DGKH: variants seen among roughly 807,000 people sequenced by gnomAD.
The protein encoded by DGKH is diacylglycerol kinase eta.
A neutral mutation model predicts 159.3 loss-of-function variants in DGKH; 90 were observed. The observed-to-expected ratio is 0.57, with a 90% CI of 0.48 to 0.67. The LOEUF (loss-of-function observed/expected upper bound fraction) is 0.67. Among genes scored for constraint, DGKH ranks in the 30% least tolerant of loss-of-function variants. DGKH has a pLI of 0.00. For synonymous variants in DGKH, 536 were observed against 553.8 expected, an observed-to-expected ratio of 0.97 and a Z score of 0.45; for missense variants, 1,181 against 1,506.1, an observed-to-expected ratio of 0.78 and a Z score of 3.57.
chr13:42,255,309 T>A (rs765816643), intron 30 of DGKH, among the ~76,000 whole-genome samples: 204 of 152,198 alleles, frequency 1.3e-3, no homozygotes, highest in Non-Finnish European at 2.6e-3. Context: ...AGAATTTTTT[T>A]AAAAAACCAA....
chr13:42,255,048 A>G (rs1335152825), intron 30 of DGKH, among the ~76,000 whole-genome samples: 1 of 151,704 alleles, frequency 6.6e-6, no homozygotes. Context: ...AAAATCTATT[A>G]TTTTTGCGTG....
intron 3 of DGKH, among the ~76,000 whole-genome samples, chr13:42,130,105 A>T (rs9566927): frequency 0.036 from 5,435 of 152,310 alleles, 180 homozygotes; most frequent in South Asian, 0.096. Flanking sequence ...TTCTGATCAC[A>T]GATCACATTG....
At chr13:42,104,424 T>C (rs1459066958) in intron 1 of DGKH, among the ~76,000 whole-genome samples, 1 of 152,240 alleles carries the variant, frequency 6.6e-6, no homozygotes, top group African/African-American at 2.4e-5. Flanking sequence ...CGCATTTCAT[T>C]GGCAAGATCT....
intron 1 of DGKH, among the ~76,000 whole-genome samples, chr13:42,123,767 A>G (rs1449130838): frequency 1.3e-5 from 2 of 152,234 alleles, no homozygotes; most frequent in African/African-American, 4.8e-5. Context: ...AGGGAAACGC[A>G]CATTAAAACC....
chr13:42,062,563 T>TG (rs1488784819), intron 1 of DGKH, among the ~76,000 whole-genome samples: 3 of 152,168 alleles, frequency 2.0e-5, no homozygotes, highest in Non-Finnish European at 4.4e-5. Flanking sequence ...TAGCTTTCCT[T>TG]GGGGGAACCA....
chr13:42,174,183 T>C (rs1468530237), intron 12 of DGKH, 39 bp downstream of exon 12: 1 of 1,453,226 alleles, frequency 6.9e-7, no homozygotes, highest in African/African-American at 1.4e-5. Context: ...GAAATGGGGG[T>C]GGATATCTTG....
chr13:42,083,846 C>A (rs942825409), intron 1 of DGKH, among the ~76,000 whole-genome samples: 1 of 152,148 alleles, frequency 6.6e-6, no homozygotes, highest in African/African-American at 2.4e-5. Flanking sequence ...TGGAAACCAA[C>A]GATATTTTCT....
At chr13:42,207,037 C>CTT (rs1475113017) in intron 21 of DGKH, among the ~76,000 whole-genome samples, 28 of 110,288 alleles carry the variant, frequency 2.5e-4, no homozygotes, top group African/African-American at 8.0e-4. Context: ...TTCTTTCTTT[C>CTT]TTTCCTTCTT....
intron 12 of DGKH, among the ~76,000 whole-genome samples, chr13:42,176,688 A>C (rs777987747): frequency 1.3e-5 from 2 of 152,224 alleles, no homozygotes; most frequent in Non-Finnish European, 2.9e-5. Flanking sequence ...TTGAATCTTC[A>C]AATAAGTCTG....
At chr13:42,105,107 T>C (rs1006953888) in intron 1 of DGKH, among the ~76,000 whole-genome samples, 17 of 152,076 alleles carry the variant, frequency 1.1e-4, no homozygotes, top group African/African-American at 4.1e-4. Flanking sequence ...ATAGAATACC[T>C]GAGATTGGAT....
At chr13:42,043,210 T>C (rs1880618028) in intron 1 of DGKH, among the ~76,000 whole-genome samples, 1 of 152,228 alleles carries the variant, frequency 6.6e-6, no homozygotes, top group African/African-American at 2.4e-5. Flanking sequence ...TGTGTGTATA[T>C]ATATATGTAA....
chr13:42,179,951 T>C (rs1005551051), intron 13 of DGKH, among the ~76,000 whole-genome samples: 23 of 152,200 alleles, frequency 1.5e-4, no homozygotes, highest in African/African-American at 5.3e-4. Flanking sequence ...ATTAAAAATA[T>C]GTGAAATATA....
exon 31 of DGKH, chr13:42,256,578 T>A (rs919615012): frequency 7.6e-6 from 5 of 656,574 alleles, no homozygotes; most frequent in South Asian, 1.7e-5. Context: ...TATAATTTTT[T>A]AAAAAACTGA....
chr13:42,192,519 C>T (rs1957100879), intron 16 of DGKH, among the ~76,000 whole-genome samples: 1 of 152,134 alleles, frequency 6.6e-6, no homozygotes. Context: ...GACTCTGACT[C>T]TGGAGCTATT....
chr13:42,121,136 T>TAA (rs1183553029), intron 1 of DGKH, among the ~76,000 whole-genome samples: 1 of 149,726 alleles, frequency 6.7e-6, no homozygotes, highest in Non-Finnish European at 1.5e-5. Context: ...TTCCCTGACT[T>TAA]ACAGTGGTTC....
intron 29 of DGKH, among the ~76,000 whole-genome samples, chr13:42,250,530 TACAA>T (rs1413144731): frequency 2.6e-5 from 4 of 152,210 alleles, no homozygotes; most frequent in Non-Finnish European, 5.9e-5. Flanking sequence ...TGTTCTGGGC[TACAA>T]ACAATTGTCA....
At chr13:42,243,033 C>G (rs545414810), downstream of DGKH, 4 of 152,114 alleles carry the variant, frequency 2.6e-5, no homozygotes, top group Non-Finnish European at 5.9e-5. Context: ...ATTTCCCCTC[C>G]AAAGGTAACA....
chr13:42,190,277 A>C, intron 15 of DGKH, 126 bp from the exon 16 acceptor site: 1 of 1,127,494 alleles, frequency 8.9e-7, no homozygotes, highest in Non-Finnish European at 1.2e-6. Context: ...ATTGCTAAAT[A>C]GTGTTTATTT....
intron 3 of DGKH, among the ~76,000 whole-genome samples, chr13:42,138,402 C>G (rs1382539091): frequency 6.6e-6 from 1 of 152,168 alleles, no homozygotes; most frequent in Non-Finnish European, 1.5e-5. Flanking sequence ...ACTGAAATTT[C>G]CTTGCAGATG....
Sources: allele counts gnomAD v4.1 joint callset (sites outside exome capture counted in the v4.1 genomes callset), GRCh38; gene constraint gnomAD v4.1.1; transcripts MANE v1.5; gene names NCBI Gene and HGNC (gene_info 2026-07-23, HGNC 2026-07-21).